Variants in GFUS observed in about 807,000 individuals in gnomAD.
GFUS encodes the protein GDP-L-fucose synthase, also known as 3-5 epimerase/4-reductase.
Under a neutral mutation model 41.5 loss-of-function variants are expected in GFUS, and 42 were observed. That is an observed-to-expected ratio of 1.01 (90% CI 0.79 to 1.31). The LOEUF is 1.31. Among genes scored for constraint, GFUS ranks in the 50% most tolerant of loss-of-function variants. GFUS has a pLI of 0.00. For missense variants in GFUS, 437 were observed against 428.7 expected, an observed-to-expected ratio of 1.02 and a Z score of -0.17; for synonymous variants, 188 against 173.4, an observed-to-expected ratio of 1.08 and a Z score of -0.66.
chr8:143,616,252 G>A (rs1355991639), intron 2 of GFUS, 32 bp from the exon 3 acceptor site: 2 of 1,602,178 alleles, frequency 1.2e-6, no homozygotes, highest in Non-Finnish European at 1.7e-6. Flanking sequence ...GGAGGCTCTG[G>A]AGGGAACCAG....
Position 143,612,858 on chromosome 8 carries a change from G to T in GFUS, c.*52C>A, listed in dbSNP as rs759181230. On this transcript the variant is annotated 3_prime_UTR_variant, in exon 11 of 11. Transcript: ENST00000425753. ...CTGGCAGGGTTGACGGGTGGTGGCC[G>T]CTGGGCTCTGCCAGCCGATGGTCCG... 6.4e-6 allele frequency: 10 copies of T among 1,567,198 alleles called. No homozygotes were observed. The highest frequency in any genetic ancestry group is 2.7e-5 in the African/African-American group (2 of 73,590).
chr8:143,616,556 G>C lies in GFUS; in HGVS notation c.146+11C>G, dbSNP rs1459235191. ...GAGAGGAAGGGCTGATCTGGGGATG[G>C]GCTCACTCACGTGAGATCGGCGTCT... On this transcript the variant is annotated intron_variant, in intron 2 of 10. Transcript: ENST00000425753. 4.3e-6 allele frequency: 7 copies of C among 1,613,686 alleles called. No individual in the cohort carries two copies. The highest frequency in any genetic ancestry group is 5.9e-6 in the Non-Finnish European group (7 of 1,179,944).
chr8:143,616,916 C>T, intron 1 of GFUS, 193 bp from the exon 2 acceptor site: 1 of 657,834 alleles, frequency 1.5e-6, no homozygotes, highest in Non-Finnish European at 2.6e-6. Flanking sequence ...GCCTACAGCG[C>T]CGCAGGGGTC....
rs1829629378 is a variant in GFUS, at chr8:143,613,450, GC to G, written c.810+73del. The stretch of plus-strand genomic sequence containing the variant: ...CCTCCGCAGTGTCCCACCCACGCTG[GC>G]CCTACACCGGGTGGCCACTGAGCCC... On this transcript the variant is annotated intron_variant, in intron 9 of 10. Transcript: ENST00000425753. The G allele has an allele frequency of 1.9e-5, 30 of 1,545,096 alleles. No homozygotes were observed. The South Asian group carries it at 2.7e-4, about 14-fold the overall frequency.
Position 143,614,219 on chromosome 8 carries a change from G to T in GFUS, c.608C>A (p.Ser203Ter). ...HKVHLAKSSG[S>*]ALTVWGTGNP... ...CCCTGTACCCCACACCGTCAGGGCCGAGCCGCTGCCTGCAGATTTGGGGAA... is the reference window on the plus strand; with the variant it reads ...CCCTGTACCCCACACCGTCAGGGCCTAGCCGCTGCCTGCAGATTTGGGGAA... Residue 203 changes from serine to a stop codon, truncating the protein, a stop_gained, in exon 7 of 11, where the codon TCG (serine) becomes TAG (stop). Transcript: ENST00000425753. LOFTEE classifies it high-confidence loss of function. The T allele has an allele frequency of 6.2e-7, 1 of 1,613,724 alleles. No homozygotes were observed. Among genetic ancestry groups the T allele is most frequent in the Non-Finnish European group, 8.5e-7 (1 of 1,180,018 alleles).
At position 143,614,811 on chromosome 8, in the gene GFUS, C is replaced by A. The variant is rs749423761; in HGVS notation, c.366G>T (p.Thr122=). Residue 122 remains threonine, a synonymous_variant, in exon 4 of 11, where the codon ACG becomes ACT. Coordinates refer to ENST00000425753, the MANE Select transcript of GFUS (RefSeq NM_003313.4). The stretch of plus-strand genomic sequence containing the variant: ...CCATGGTCTCATCTATCGGGTAGGT[C>A]GTCTTGTCAGGGAAGATACAGGTGG... ...CLSTCIFPDK[T]TYPIDETMIH... 7 of 1,613,586 alleles carry A rather than the reference C, an allele frequency of 4.3e-6. No individual in the cohort carries two copies. In the Admixed American group the frequency reaches 5.0e-5, roughly 12 times the overall value.
At chr8:143,615,033 G>A (rs1478204212) in intron 3 of GFUS, 118 bp from the exon 4 acceptor site, 3 of 1,454,096 alleles carry the variant, frequency 2.1e-6, no homozygotes, top group Non-Finnish European at 2.7e-6. Flanking sequence ...GAGGACCCAA[G>A]CCTGCCCATC....
At chr8:143,614,059 G>T (rs1829651655) in intron 7 of GFUS, 105 bp downstream of exon 7, 2 of 1,475,350 alleles carry the variant, frequency 1.4e-6, no homozygotes, top group Non-Finnish European at 9.2e-7. Flanking sequence ...TTCTCTGCTG[G>T]TAGGAGCCTC....
At chr8:143,616,018 T>C in intron 3 of GFUS, 88 bp downstream of exon 3, 1 of 1,130,792 alleles carries the variant, frequency 8.8e-7, no homozygotes, top group East Asian at 2.4e-5. Flanking sequence ...GGTGGGAATG[T>C]GGGCCTGTGA....
intron 1 of GFUS, 102 bp from the exon 2 acceptor site, chr8:143,616,825 G>C: frequency 1.4e-6 from 2 of 1,423,546 alleles, no homozygotes; most frequent in South Asian, 2.5e-5. Context: ...TCAGAGTGGG[G>C]CATAGTCCAC....
upstream of GFUS, chr8:143,617,941 C>T (rs1484870374): frequency 6.6e-6 from 1 of 152,270 alleles, no homozygotes; most frequent in East Asian, 1.9e-4. Context: ...GCGCCGCAGC[C>T]TCTTGGATTC....
At chr8:143,616,751 G>C (rs759006968) in intron 1 of GFUS, 28 bp from the exon 2 acceptor site, 2 of 1,612,974 alleles carry the variant, frequency 1.2e-6, no homozygotes, top group East Asian at 4.5e-5. Flanking sequence ...GGGAGGCTGA[G>C]GTCATCACGC....
Position 143,614,351 on chromosome 8 carries a change from A to G in GFUS, c.567T>C (p.Pro189=), listed in dbSNP as rs916818584. ...NFNIEDGHVL[P]GLIHKVHLAK... ...CCAGGTGCACCTTGTGGATGAGGCC[A>G]GGCAGCACGTGGCCATCCTCGATGT... Residue 189 remains proline (P), a synonymous_variant, in exon 6 of 11, where the codon CCT becomes CCC. Coordinates refer to ENST00000425753, the MANE Select transcript of GFUS (RefSeq NM_003313.4). 1.9e-6 allele frequency: 3 copies of G among 1,613,718 alleles called. No homozygotes were observed. Among genetic ancestry groups the G allele is most frequent in the Admixed American group, 3.3e-5 (2 of 60,000 alleles).
Position 143,612,677 on chromosome 8 carries a change from C to T in GFUS, c.*233G>A, listed in dbSNP as rs972572542. The T allele has an allele frequency of 2.7e-5, 16 of 603,148 alleles. No homozygotes were observed. The highest frequency in any genetic ancestry group is 3.8e-5 in the Non-Finnish European group (13 of 339,010). 37.4% of individuals were successfully genotyped at this position (603,148 alleles called of 1,614,324 possible). On this transcript the variant is annotated 3_prime_UTR_variant, in exon 11 of 11. Transcript: ENST00000425753. ...GTGGGATGCAGGATCAGAGTGGACA[C>T]GCGCAGGGGGCTGGTGTGGGGAGCA...
chr8:143,613,823 G>A lies in GFUS; in HGVS notation c.664-6C>T, dbSNP rs1829644532. The A allele has an allele frequency of 1.3e-6, 2 of 1,550,706 alleles. No individual in the cohort carries two copies. Among genetic ancestry groups the A allele is most frequent in the Non-Finnish European group, 1.7e-6 (2 of 1,146,984 alleles). Reference sequence around the variant, plus strand: ...ATAAAGAGCTGGGCCAGGTCCTAGAGGTCAGACAGGCAGGGTCAGAGACCA... The same window carrying A: ...ATAAAGAGCTGGGCCAGGTCCTAGAAGTCAGACAGGCAGGGTCAGAGACCA... On this transcript the variant is annotated splice_polypyrimidine_tract_variant and splice_region_variant and intron_variant, in intron 7 of 10. Coordinates refer to ENST00000425753, the MANE Select transcript of GFUS (RefSeq NM_003313.4).
rs552061562 is a variant in GFUS, at chr8:143,616,352, G to A, written c.147-132C>T. ...GGGAGGGTGGCCCCAGGGCCTGGCT[G>A]ATATGAGGGTGCAGGCTTCCAGGAA... is the stretch of plus-strand genomic sequence containing the variant. On this transcript the variant is annotated intron_variant, in intron 2 of 10. Transcript: ENST00000425753. 1.4e-5 allele frequency: 16 copies of A among 1,153,426 alleles called. No individual in the cohort carries two copies. The African/African-American group carries it at 1.8e-4, about 13-fold the overall frequency. 71.4% of individuals were successfully genotyped at this position (1,153,426 alleles called of 1,614,324 possible).
chr8:143,612,684 G>A lies in GFUS; in HGVS notation c.*226C>T. ...GCAGGATCAGAGTGGACACGCGCAG[G>A]GGGCTGGTGTGGGGAGCAAAGCGCC... On this transcript the variant is annotated 3_prime_UTR_variant, in exon 11 of 11. Coordinates refer to ENST00000425753, the MANE Select transcript of GFUS (RefSeq NM_003313.4). 1 of 606,274 alleles carries A rather than the reference G, an allele frequency of 1.6e-6. No homozygotes were observed. The highest frequency in any genetic ancestry group is 1.9e-5 in the African/African-American group (1 of 54,028). 37.6% of individuals were successfully genotyped at this position (606,274 alleles called of 1,614,324 possible).
chr8:143,614,613 G>C lies in GFUS; in HGVS notation c.464+11C>G, dbSNP rs371395697. 6.3e-7 allele frequency: 1 copy of C among 1,576,686 alleles called. No individual in the cohort carries two copies. Among genetic ancestry groups the C allele is most frequent in the South Asian group, 1.2e-5 (1 of 86,190 alleles). On this transcript the variant is annotated intron_variant, in intron 5 of 10. Transcript: ENST00000425753. ...CTCCTGGCTGGGCCTCAGCAGGATG[G>C]GCGCGAGGACCTGTTCTGCACGTCG...
rs1412850182 is a variant in GFUS at position 143,616,552 on chromosome 8, G to T, written c.146+15C>A. On this transcript the variant is annotated intron_variant, in intron 2 of 10. Coordinates refer to ENST00000425753, the MANE Select transcript of GFUS (RefSeq NM_003313.4). ...GATGGAGAGGAAGGGCTGATCTGGG[G>T]ATGGGCTCACTCACGTGAGATCGGC... 4.3e-6 allele frequency: 7 copies of T among 1,613,788 alleles called. No homozygotes were observed. Among genetic ancestry groups the T allele is most frequent in the Non-Finnish European group, 5.9e-6 (7 of 1,179,932 alleles).
Sources: allele counts gnomAD v4.1 joint callset, GRCh38; gene constraint gnomAD v4.1.1; transcripts MANE v1.5; gene names NCBI Gene and HGNC (gene_info 2026-07-23, HGNC 2026-07-21).